CSMD3: variants seen among roughly 807,000 people sequenced by gnomAD.
CSMD3 encodes the protein CUB and Sushi multiple domains 3, also known as CUB and sushi domain-containing protein 3.
In CSMD3, 177 loss-of-function variants were observed where a neutral mutation model predicts 435.2. The observed-to-expected ratio is 0.41, with a 90% CI of 0.36 to 0.46. The LOEUF is 0.46. Among genes scored for constraint, CSMD3 ranks in the 20% least tolerant of loss-of-function variants. The pLI, the probability that CSMD3 is intolerant of heterozygous loss-of-function variation, is 0.34. For missense variants in CSMD3, 4,265 were observed against 4,504.6 expected (o/e 0.95, Z 1.52); for synonymous variants, 1,656 against 1,520.5 (o/e 1.09, Z -2.07).
At chr8:113,296,555 C>G (rs2093723604) in intron 2 of CSMD3, among the ~76,000 whole-genome samples, 1 of 151,896 alleles carries the variant, frequency 6.6e-6, no homozygotes, top group African/African-American at 2.4e-5. Context: ...ACAAACAAAA[C>G]AGAAAGAGAG....
intron 60 of CSMD3, 32 bp from the exon 61 acceptor site, chr8:112,263,844 C>T (rs2130387791): frequency 6.4e-7 from 1 of 1,573,150 alleles, no homozygotes; most frequent in Non-Finnish European, 8.7e-7. Flanking sequence ...TTAGACACAG[C>T]TGTTGAAATA....
intron 13 of CSMD3, among the ~76,000 whole-genome samples, chr8:112,699,064 T>G (rs1312589720): frequency 6.6e-6 from 1 of 152,046 alleles, no homozygotes; most frequent in Non-Finnish European, 1.5e-5. Flanking sequence ...AGGATGTGGG[T>G]GGGGCCAAAT....
chr8:112,669,685 T>G (rs1443529376), intron 16 of CSMD3, among the ~76,000 whole-genome samples: 1 of 152,200 alleles, frequency 6.6e-6, no homozygotes, highest in Admixed American at 6.6e-5. Context: ...TTCATTCATC[T>G]TTTATTCATT....
chr8:113,401,242 A>G (rs1467328519), intron 1 of CSMD3, among the ~76,000 whole-genome samples: 1 of 151,774 alleles, frequency 6.6e-6, no homozygotes, highest in East Asian at 1.9e-4. Context: ...ATTCTATGAA[A>G]GGTATTTCCT....
chr8:112,453,189 C>G (rs1816476141), intron 32 of CSMD3, among the ~76,000 whole-genome samples: 1 of 152,068 alleles, frequency 6.6e-6, no homozygotes, highest in Non-Finnish European at 1.5e-5. Context: ...TCAAGAGAAA[C>G]AGAATACAAT....
intron 68 of CSMD3, among the ~76,000 whole-genome samples, chr8:112,233,419 A>T (rs1449518532): frequency 6.6e-6 from 1 of 152,208 alleles, no homozygotes; most frequent in East Asian, 1.9e-4. Context: ...TAATGAATCA[A>T]TTCACTTTGT....
At chr8:113,375,546 CGT>C (rs2094376828) in intron 1 of CSMD3, among the ~76,000 whole-genome samples, 1 of 147,420 alleles carries the variant, frequency 6.8e-6, no homozygotes, top group African/African-American at 2.5e-5. Context: ...CACACACACA[CGT>C]GTCATGCCGA....
intron 18 of CSMD3, among the ~76,000 whole-genome samples, chr8:112,654,564 T>G (rs1563817011): frequency 6.6e-6 from 1 of 152,202 alleles, no homozygotes; most frequent in Non-Finnish European, 1.5e-5. Context: ...ACTATGCCAC[T>G]AAGGACCTGT....
At chr8:112,536,153 A>G (rs938431766) in intron 27 of CSMD3, among the ~76,000 whole-genome samples, 2 of 152,092 alleles carry the variant, frequency 1.3e-5, no homozygotes, top group African/African-American at 2.4e-5. Context: ...AATGGCAACA[A>G]AAGCCAAAAT....
At chr8:112,379,136 A>C (rs1410216369) in intron 38 of CSMD3, among the ~76,000 whole-genome samples, 1 of 152,202 alleles carries the variant, frequency 6.6e-6, no homozygotes, top group Non-Finnish European at 1.5e-5. Flanking sequence ...ACTTTAGAAT[A>C]AACTTAACCA....
chr8:112,314,993 C>G (rs181405024), intron 47 of CSMD3, among the ~76,000 whole-genome samples: 1 of 151,984 alleles, frequency 6.6e-6, no homozygotes, highest in Admixed American at 6.6e-5. Context: ...TCTTTCCTTA[C>G]TTTTTAACTC....
chr8:113,352,817 C>G (rs1190768353), intron 1 of CSMD3, among the ~76,000 whole-genome samples: 2 of 152,178 alleles, frequency 1.3e-5, no homozygotes, highest in African/African-American at 4.8e-5. Flanking sequence ...AAAAGAATCA[C>G]ATCACATAGG....
intron 10 of CSMD3, among the ~76,000 whole-genome samples, chr8:112,912,473 G>A (rs192795555): frequency 1.4e-4 from 21 of 151,688 alleles, no homozygotes; most frequent in Admixed American, 5.3e-4. Context: ...AGGTGATACC[G>A]TTTCAATTAA....
chr8:112,826,823 G>C (rs1021763300), intron 12 of CSMD3, among the ~76,000 whole-genome samples: 1 of 152,016 alleles, frequency 6.6e-6, no homozygotes, highest in Non-Finnish European at 1.5e-5. Flanking sequence ...AGTTCTCATT[G>C]GAAACTTTAA....
intron 5 of CSMD3, among the ~76,000 whole-genome samples, chr8:113,066,932 T>C (rs1430785808): frequency 2.0e-5 from 3 of 152,082 alleles, no homozygotes; most frequent in Non-Finnish European, 2.9e-5. Flanking sequence ...AATGATGCCA[T>C]TTTGTTTATT....
chr8:112,276,709 C>T (rs1225198238), intron 59 of CSMD3, among the ~76,000 whole-genome samples: 1 of 152,160 alleles, frequency 6.6e-6, no homozygotes, highest in African/African-American at 2.4e-5. Flanking sequence ...GAAGACCCCA[C>T]TCCTGCAGCA....
At chr8:113,264,874 A>C (rs1348355503) in intron 3 of CSMD3, among the ~76,000 whole-genome samples, 4 of 151,686 alleles carry the variant, frequency 2.6e-5, no homozygotes, top group African/African-American at 9.7e-5. Flanking sequence ...GAGATGTATT[A>C]AACCATTCCT....
At chr8:112,721,047 A>T (rs1587073891) in intron 13 of CSMD3, among the ~76,000 whole-genome samples, 1 of 152,108 alleles carries the variant, frequency 6.6e-6, no homozygotes, top group East Asian at 1.9e-4. Flanking sequence ...GTCTATCAAG[A>T]AGTTAGTGTC....
chr8:112,648,141 G>GT (rs1357800524), intron 19 of CSMD3, among the ~76,000 whole-genome samples: 3 of 152,142 alleles, frequency 2.0e-5, no homozygotes, highest in Non-Finnish European at 4.4e-5. Context: ...AAGAAATTCT[G>GT]TTTGTCTGTT....
Sources: allele counts gnomAD v4.1 joint callset (sites outside exome capture counted in the v4.1 genomes callset), GRCh38; gene constraint gnomAD v4.1.1; transcripts MANE v1.5; gene names NCBI Gene and HGNC (gene_info 2026-07-23, HGNC 2026-07-21).